EPHB2: variants seen among roughly 807,000 people sequenced by gnomAD.
The protein encoded by EPHB2 is ephrin type-B receptor 2.
A neutral mutation model predicts 96.4 loss-of-function variants in EPHB2; 18 were observed. That is an observed-to-expected ratio of 0.19 (90% CI 0.13 to 0.28). EPHB2 has a LOEUF of 0.28. EPHB2 is among the 10% of genes least tolerant of loss of function. EPHB2 has a pLI of 1.00. For missense variants in EPHB2, 989 were observed against 1,355.4 expected, an observed-to-expected ratio of 0.73 and a Z score of 4.25; for synonymous variants, 506 against 534.1, an observed-to-expected ratio of 0.95 and a Z score of 0.72.
At chr1:22,855,581 C>T (rs373459111) in intron 3 of EPHB2, among the ~76,000 whole-genome samples, 1 of 152,218 alleles carries the variant, frequency 6.6e-6, no homozygotes, top group Admixed American at 6.5e-5. Flanking sequence ...CCTAACTAGA[C>T]CTGAACTTCT....
intron 1 of EPHB2, among the ~76,000 whole-genome samples, chr1:22,755,371 A>G (rs1371486192): frequency 2.6e-5 from 4 of 152,156 alleles, no homozygotes; most frequent in African/African-American, 9.7e-5. Context: ...CAAAGACCGA[A>G]AAAACATTTT....
At chr1:22,798,236 C>T (rs750003242) in intron 3 of EPHB2, among the ~76,000 whole-genome samples, 4 of 152,258 alleles carry the variant, frequency 2.6e-5, no homozygotes, top group East Asian at 1.9e-4. Flanking sequence ...CTGGGAGTAA[C>T]GCTACTAACC....
intron 3 of EPHB2, among the ~76,000 whole-genome samples, chr1:22,834,191 C>T (rs1570358557): frequency 1.3e-5 from 2 of 152,240 alleles, no homozygotes; most frequent in South Asian, 2.1e-4. Flanking sequence ...AATAAGAGCC[C>T]TGCTCTCAAC....
intron 3 of EPHB2, among the ~76,000 whole-genome samples, chr1:22,808,470 C>T (rs1398672313): frequency 3.9e-5 from 6 of 152,230 alleles, no homozygotes; most frequent in South Asian, 2.1e-4. Flanking sequence ...AAATTAACCA[C>T]GGCCCTCTTC....
At chr1:22,873,529 T>G (rs1638739397) in intron 5 of EPHB2, among the ~76,000 whole-genome samples, 1 of 152,208 alleles carries the variant, frequency 6.6e-6, no homozygotes, top group African/African-American at 2.4e-5. Flanking sequence ...GAGAGAGAAC[T>G]ACATAAGTTA....
rs550339054 is a variant in EPHB2 at position 22,754,454 on chromosome 1, C to T, written c.62-26967C>T. Among the ~76,000 whole-genome samples, 33 of 152,190 alleles carry T rather than the reference C, an allele frequency of 2.2e-4. No homozygotes were observed. The South Asian group carries it at 2.7e-3, about 12-fold the overall frequency. ...AGAGGCAGGACAGGGTGACCATGTC[C>T]GGCTCCAGCCTGGTGCTCACTCTTT... On this transcript the variant is annotated intron_variant, in intron 1 of 15. Transcript: ENST00000374630.
chr1:22,783,845 C>T (rs866988942), intron 2 of EPHB2, among the ~76,000 whole-genome samples: 1 of 152,116 alleles, frequency 6.6e-6, no homozygotes, highest in Non-Finnish European at 1.5e-5. Context: ...CTGAAAGCCC[C>T]AGAGCAGAGC....
At chr1:22,882,256 T>C (rs1639071679) in intron 5 of EPHB2, 103 bp from the exon 6 acceptor site, 2 of 1,571,444 alleles carry the variant, frequency 1.3e-6, no homozygotes, top group African/African-American at 2.7e-5. Flanking sequence ...CCCTTCCCTC[T>C]CTGATCCCAC....
chr1:22,887,415 C>CAG (rs1392527163), intron 6 of EPHB2, among the ~76,000 whole-genome samples: 1 of 152,162 alleles, frequency 6.6e-6, no homozygotes, highest in Non-Finnish European at 1.5e-5. Context: ...GAAGGGAAGT[C>CAG]AGATACTGAG....
Position 22,906,766 on chromosome 1 carries a change from T to C in EPHB2, c.1945T>C (p.Phe649Leu). The C allele has an allele frequency of 6.2e-7, 1 of 1,614,198 alleles. No individual in the cohort carries two copies. The highest frequency in any genetic ancestry group is 8.5e-7 in the Non-Finnish European group (1 of 1,180,044). ...GAAGCTGCCAGGCAAGAGAGAGATC[T>C]TTGTGGCCATCAAGACGCTCAAGTC... ...HLKLPGKREIFVAIKTLKSGY... is the reference protein window; with the variant it reads ...HLKLPGKREILVAIKTLKSGY... The change falls in exon 11 of 16, where the codon TTT (phenylalanine) becomes CTT (leucine). Residue 649 changes from phenylalanine (F) to leucine (L), a missense_variant. Coordinates refer to ENST00000374630, the MANE Select transcript of EPHB2 (RefSeq NM_017449.5). The surrounding 1 kb of genome is among the most constrained non-coding windows in gnomAD (Gnocchi z 4.8).
At chr1:22,806,326 T>A (rs907240432) in intron 3 of EPHB2, among the ~76,000 whole-genome samples, 7 of 152,146 alleles carry the variant, frequency 4.6e-5, no homozygotes, top group African/African-American at 1.7e-4. Flanking sequence ...AGCCAGCAGG[T>A]TCCAGAGTCT....
chr1:22,783,158 C>T (rs1039013259), intron 2 of EPHB2, among the ~76,000 whole-genome samples: 5 of 152,218 alleles, frequency 3.3e-5, no homozygotes, highest in Admixed American at 6.5e-5. Flanking sequence ...GGCAACCACA[C>T]GAACAGCTCT....
chr1:22,756,074 A>G (rs958148033), intron 1 of EPHB2, among the ~76,000 whole-genome samples: 1 of 149,946 alleles, frequency 6.7e-6, no homozygotes, highest in African/African-American at 2.4e-5. Flanking sequence ...GTGGAAACGC[A>G]GGGAGAGGAG....
intron 3 of EPHB2, among the ~76,000 whole-genome samples, chr1:22,797,384 C>T (rs1644781931): frequency 6.6e-6 from 1 of 152,190 alleles, no homozygotes; most frequent in Admixed American, 6.5e-5. Flanking sequence ...TGACTGCTCC[C>T]TCTTCTGGGA....
At position 22,865,071 on chromosome 1, in the gene EPHB2, C is replaced by T. The variant is rs1235258442; in HGVS notation, c.1162C>T (p.Leu388=). The T allele has an allele frequency of 6.2e-7, 1 of 1,614,242 alleles. No homozygotes were observed. Among genetic ancestry groups the T allele is most frequent in the South Asian group, 1.1e-5 (1 of 91,086 alleles). ...ACAGTACGCACCACGCCAGCTAGGC[C>T]TGACCGAGCCACGCATTTACATCAG... ...NVQYAPRQLG[L]TEPRIYISDL... The change falls in exon 5 of 16, where the codon CTG becomes TTG. Residue 388 remains leucine (L), a synonymous_variant. Transcript: ENST00000374630.
intron 5 of EPHB2, among the ~76,000 whole-genome samples, chr1:22,874,691 G>A (rs924198101): frequency 6.6e-6 from 1 of 152,170 alleles, no homozygotes; most frequent in African/African-American, 2.4e-5. Context: ...CACTGGGCAG[G>A]CTCTGCTAAA....
chr1:22,919,705 A>AGAGGGAG lies in EPHB2; in HGVS notation c.*6147_*6153dup, dbSNP rs1385644983. On this transcript the variant is annotated 3_prime_UTR_variant, in exon 16 of 16. Coordinates refer to ENST00000374630, the MANE Select transcript of EPHB2 (RefSeq NM_017449.5). Reference sequence around the variant, plus strand: ...CCCCTGTTGAAGGAGAGGGAGCAGGAGAGGGAGGAGGGAGGAGGTCACAGC... The same window carrying AGAGGGAG: ...CCCCTGTTGAAGGAGAGGGAGCAGGAGAGGGAGGAGGGAGGAGGGAGGAGGTCACAGC... 2.6e-5 allele frequency: 4 copies of AGAGGGAG among 152,550 alleles called. No individual in the cohort carries two copies. Among genetic ancestry groups the AGAGGGAG allele is most frequent in the Non-Finnish European group, 5.9e-5 (4 of 68,130 alleles). The allele number at this position is 152,550 out of a possible 1,614,324, so 9.4% of individuals were successfully genotyped here.
At chr1:22,866,547 A>G (rs1638484757) in intron 5 of EPHB2, among the ~76,000 whole-genome samples, 1 of 152,074 alleles carries the variant, frequency 6.6e-6, no homozygotes, top group African/African-American at 2.4e-5. Flanking sequence ...TACAAACAAG[A>G]GCTGCTTCAC....
chr1:22,791,443 G>GTTTT lies in EPHB2; in HGVS notation c.811+6370_811+6371insTTTT, dbSNP rs1300087621. On this transcript the variant is annotated intron_variant, in intron 3 of 15. Transcript: ENST00000374630. ...ATGGACTTCTGCTTAAATTACATGGGTTTCTTTCTTTCTTTCTTTCTTTCT... is the reference window on the plus strand; with the variant it reads ...ATGGACTTCTGCTTAAATTACATGGGTTTTTTTCTTTCTTTCTTTCTTTCTTTCT... 5.2e-3 allele frequency among the ~76,000 whole-genome samples: 626 copies of GTTTT among 120,324 alleles called. 7 individuals are homozygous for GTTTT. The highest frequency in any genetic ancestry group is 9.7e-3 in the African/African-American group (276 of 28,344). The allele number at this position is 120,324 out of a possible 152,430, so 78.9% of individuals were successfully genotyped here.
Sources: gnomAD v4.1 joint callset for allele counts (sites outside exome capture counted in the v4.1 genomes callset) on GRCh38, gnomAD v4.1.1 for gene constraint, Gnocchi (gnomAD v3.1) non-coding constraint, MANE v1.5 for transcripts, NCBI Gene and HGNC (gene_info 2026-07-23, HGNC 2026-07-21) for gene names.